Variants in STAG2 observed in about 807,000 individuals in gnomAD.
STAG2 encodes the protein STAG2 cohesin complex component.
STAG2 carries 14 observed loss-of-function variants against 108.1 expected under a neutral mutation model. The ratio of observed to expected loss-of-function variants is 0.13; its 90% CI spans 0.09 to 0.20. The LOEUF is 0.20. Ranked by LOEUF, STAG2 falls within the 10% of genes least tolerant of loss-of-function variation. The pLI is 1.00. For synonymous variants in STAG2, 307 were observed against 302.7 expected, an observed-to-expected ratio of 1.01 and a Z score of -0.15; for missense variants, 440 against 940.9, an observed-to-expected ratio of 0.47 and a Z score of 6.96.
At chrX:124,001,325 CT>C (rs1284123591) in intron 1 of STAG2, among the ~76,000 whole-genome samples, 1 of 111,736 alleles carries the variant, frequency 8.9e-6, no homozygotes, top group East Asian at 2.8e-4. Context: ...CTCCTGACCT[CT>C]TGATCCATCC....
chrX:124,034,380 A>C (rs1056565399), intron 5 of STAG2, among the ~76,000 whole-genome samples: 43 of 111,518 alleles, frequency 3.9e-4, no homozygotes, highest in African/African-American at 1.3e-3. Context: ...GAATGTCTGC[A>C]CTGTCTTTCC....
chrX:124,006,504 T>C (rs2056299392), intron 1 of STAG2, among the ~76,000 whole-genome samples: 1 of 106,750 alleles, frequency 9.4e-6, no homozygotes, highest in Non-Finnish European at 1.9e-5. Flanking sequence ...AGTGGCACAA[T>C]TTGAGCTCAC....
At chrX:123,985,758 G>A (rs1447620698) in intron 1 of STAG2, among the ~76,000 whole-genome samples, 1 of 106,312 alleles carries the variant, frequency 9.4e-6, no homozygotes, top group Admixed American at 1.0e-4. Flanking sequence ...TTTTATTTTC[G>A]GTAGATACGA....
chrX:124,091,254 T>C (rs2059245560), intron 32 of STAG2, among the ~76,000 whole-genome samples: 1 of 111,645 alleles, frequency 9.0e-6, no homozygotes, highest in African/African-American at 3.3e-5. Context: ...TACATCCTAA[T>C]TGATTTTCCC....
At chrX:123,970,518 T>C (rs2054308945) in intron 1 of STAG2, among the ~76,000 whole-genome samples, 1 of 111,815 alleles carries the variant, frequency 8.9e-6, no homozygotes, top group Non-Finnish European at 1.9e-5. Flanking sequence ...CTTTTCACTG[T>C]CACTTTCCTG....
chrX:123,963,355 A>T (rs1392043614), intron 1 of STAG2: 1 of 111,853 alleles, frequency 8.9e-6, no homozygotes, highest in East Asian at 2.8e-4. Flanking sequence ...TTGTTAAAAA[A>T]AAGGCTCTGG....
intron 10 of STAG2, 75 bp downstream of exon 10, chrX:124,049,153 A>G: frequency 2.5e-6 from 2 of 806,288 alleles, no homozygotes. Context: ...TTCGTGGTGT[A>G]GGGAATCTAA....
At chrX:123,975,930 T>C (rs1421708801) in intron 1 of STAG2, among the ~76,000 whole-genome samples, 1 of 112,542 alleles carries the variant, frequency 8.9e-6, no homozygotes, top group East Asian at 2.7e-4. Flanking sequence ...GTTCCTATAG[T>C]AGGACATTTG....
At chrX:123,982,078 C>T (rs900919587) in intron 1 of STAG2, among the ~76,000 whole-genome samples, 1 of 109,597 alleles carries the variant, frequency 9.1e-6, no homozygotes, top group Non-Finnish European at 1.9e-5. Context: ...AGGTGGCTCA[C>T]GCCTGTAATC....
chrX:123,977,313 G>T (rs1019997525), intron 1 of STAG2, among the ~76,000 whole-genome samples: 3 of 111,814 alleles, frequency 2.7e-5, no homozygotes, highest in Non-Finnish European at 3.8e-5. Context: ...GTCTCCATAG[G>T]TAGTGTTCCC....
At chrX:124,052,018 A>G (rs917514785) in intron 13 of STAG2, among the ~76,000 whole-genome samples, 8 of 112,115 alleles carry the variant, frequency 7.1e-5, no homozygotes, top group South Asian at 3.7e-4. Context: ...AAACATGCTT[A>G]TTGTATTTTG....
intron 1 of STAG2, among the ~76,000 whole-genome samples, chrX:123,965,403 C>G (rs1370500964): frequency 9.0e-6 from 1 of 111,469 alleles, no homozygotes; most frequent in Non-Finnish European, 1.9e-5. Flanking sequence ...AAATCAAATT[C>G]TACATTTCTT....
In STAG2 at chrX:123,984,394, A is replaced by G. The variant is rs1308425157; in HGVS notation, c.-163+22538A>G. The stretch of plus-strand genomic sequence containing the variant: ...GTTACATTACATTTAAATGCAGTGA[A>G]TGGAGAGCCCTGTTCCCCTTTCAGC... On this transcript the variant is annotated intron_variant, in intron 1 of 34. Coordinates refer to ENST00000371145, the MANE Select transcript of STAG2 (RefSeq NM_001042750.2). Among the ~76,000 whole-genome samples, 5 of 111,717 alleles carry G rather than the reference A, an allele frequency of 4.5e-5. No homozygotes were observed. The Admixed American group carries it at 4.8e-4, about 11-fold the overall frequency.
chrX:124,043,650 T>C (rs1042259445), intron 7 of STAG2, among the ~76,000 whole-genome samples: 1 of 111,668 alleles, frequency 9.0e-6, no homozygotes, highest in Non-Finnish European at 1.9e-5. Flanking sequence ...TATCCTGGAA[T>C]GTTGTAAAAG....
intron 9 of STAG2, 47 bp from the exon 10 acceptor site, chrX:124,048,958 G>C (rs1291967668): frequency 9.5e-7 from 1 of 1,055,384 alleles, no homozygotes; most frequent in Admixed American, 2.3e-5. Flanking sequence ...GTGTTCATTT[G>C]GTTGTCTTCC....
At chrX:124,027,919 C>T (rs747549911) in intron 4 of STAG2, among the ~76,000 whole-genome samples, 2 of 111,142 alleles carry the variant, frequency 1.8e-5, no homozygotes, top group South Asian at 7.7e-4. Flanking sequence ...TTGTTATTAT[C>T]ACTCCTTGCA....
At chrX:124,042,954 GCAGTGAGCCGAGCT>G (rs2057765110) in intron 7 of STAG2, among the ~76,000 whole-genome samples, 1 of 105,823 alleles carries the variant, frequency 9.4e-6, no homozygotes, top group Non-Finnish European at 1.9e-5. Flanking sequence ...GGCGGAGGTT[GCAGTGAGCCGAGCT>G]CTCGCCACTG....
chrX:123,974,214 A>T (rs1480671026), intron 1 of STAG2, among the ~76,000 whole-genome samples: 1 of 108,313 alleles, frequency 9.2e-6, no homozygotes, highest in Non-Finnish European at 1.9e-5. Flanking sequence ...AGAGCCCATG[A>T]TCATCTTTTC....
chrX:124,079,945 TGGAGCAGGAGAGG>T, intron 27 of STAG2, among the ~76,000 whole-genome samples: 1 of 109,468 alleles, frequency 9.1e-6, no homozygotes, highest in Admixed American at 9.8e-5. Flanking sequence ...TTTTTTTTTT[TGGAGCAGGAGAGG>T]TTCATTTATT....
Sources: allele counts gnomAD v4.1 joint callset (sites outside exome capture counted in the v4.1 genomes callset), GRCh38; gene constraint gnomAD v4.1.1; transcripts MANE v1.5; gene names NCBI Gene and HGNC (gene_info 2026-07-23, HGNC 2026-07-21).